PKHD1L1: variants seen among roughly 807,000 people sequenced by gnomAD.
The protein encoded by PKHD1L1 is PKHD1 like 1.
PKHD1L1 carries 434 observed loss-of-function variants against 462.9 expected under a neutral mutation model. That is an observed-to-expected ratio of 0.94 (90% CI 0.87 to 1.02). PKHD1L1 has a LOEUF of 1.02. Among genes scored for constraint, PKHD1L1 ranks in the 50% least tolerant of loss-of-function variants. The pLI is 0.00. For synonymous variants in PKHD1L1, 1,781 were observed against 1,750.0 expected (o/e 1.02, Z -0.44); for missense variants, 5,202 against 5,096.1 (o/e 1.02, Z -0.63).
In PKHD1L1 at chr8:109,436,475, T is replaced by G; in HGVS notation, c.3627+16T>G. 6.2e-7 allele frequency: 1 copy of G among 1,610,446 alleles called. No individual in the cohort carries two copies. The highest frequency in any genetic ancestry group is 8.5e-7 in the Non-Finnish European group (1 of 1,178,984). On this transcript the variant is annotated intron_variant, in intron 30 of 77. Coordinates refer to ENST00000378402, the MANE Select transcript of PKHD1L1 (RefSeq NM_177531.6). ...GACACCAAAAGTAAGGCCTCTGATTTCAGTCACTTTTTCCTCCTAAGTCTG... is the reference window on the plus strand; with the variant it reads ...GACACCAAAAGTAAGGCCTCTGATTGCAGTCACTTTTTCCTCCTAAGTCTG...
At chr8:109,449,202 C>G (rs1417322323) in intron 39 of PKHD1L1, 136 bp from the exon 40 acceptor site, 10 of 793,892 alleles carry the variant, frequency 1.3e-5, no homozygotes, top group Admixed American at 3.3e-5. Context: ...GAATAATGCA[C>G]TATAATTTCA....
Position 109,364,609 on chromosome 8 carries a change from G to A in PKHD1L1, c.136G>A (p.Ala46Thr). The part of the protein sequence containing the change: ...IIPKYGSING[A>T]TRLTIRGEGF... ...ACCTAAATATGGCAGTATAAATGGA[G>A]CAACAAGGCTGACTATAAGAGGGGA... The change falls in exon 2 of 78, where the codon GCA becomes ACA. Residue 46 changes from alanine (A) to threonine (T), a missense_variant. Ala to Thr is a moderately conservative substitution (Grantham distance 58). Transcript: ENST00000378402. The A allele has an allele frequency of 6.4e-7, 1 of 1,562,340 alleles. No homozygotes were observed. Among genetic ancestry groups the A allele is most frequent in the Non-Finnish European group, 8.8e-7 (1 of 1,141,186 alleles).
chr8:109,370,463 AT>A (rs1262130011), intron 2 of PKHD1L1, among the ~76,000 whole-genome samples: 1 of 149,486 alleles, frequency 6.7e-6, no homozygotes, highest in Non-Finnish European at 1.5e-5. Flanking sequence ...AAATCTCAGG[AT>A]TTTTTCTTAT....
chr8:109,395,699 C>T (rs1812935942), intron 10 of PKHD1L1, among the ~76,000 whole-genome samples: 1 of 152,098 alleles, frequency 6.6e-6, no homozygotes, highest in Admixed American at 6.5e-5. Context: ...TCTTCAAGAG[C>T]ATATGGAAGA....
In PKHD1L1 at chr8:109,412,398, T is replaced by C. The variant is rs1211428773; in HGVS notation, c.2219T>C (p.Leu740Ser). 6.2e-7 allele frequency: 1 copy of C among 1,612,220 alleles called. No individual in the cohort carries two copies. Among genetic ancestry groups the C allele is most frequent in the Non-Finnish European group, 8.5e-7 (1 of 1,179,000 alleles). ...PNRRPYGDIL[L>S]FPYNQLCLAY... ...AGACGACCATATGGAGATATTTTAT[T>C]GTTTCCTTATAATCAGGTAAGCTCA... is the stretch of plus-strand genomic sequence containing the variant. Residue 740 changes from leucine to serine, a missense_variant, in exon 20 of 78, where the codon TTG (leucine) becomes TCG (serine). Coordinates refer to ENST00000378402, the MANE Select transcript of PKHD1L1 (RefSeq NM_177531.6).
chr8:109,435,084 G>A (rs569440620), intron 28 of PKHD1L1, 106 bp from the exon 29 acceptor site: 20 of 1,168,292 alleles, frequency 1.7e-5, no homozygotes, highest in Admixed American at 6.8e-5. Context: ...GATATACTTC[G>A]TGAGATCTAA....
intron 53 of PKHD1L1, among the ~76,000 whole-genome samples, chr8:109,478,954 G>A (rs1209813782): frequency 6.6e-6 from 1 of 152,086 alleles, no homozygotes; most frequent in East Asian, 1.9e-4. Flanking sequence ...TAGAACAGAA[G>A]GCTCAAGCTA....
intron 14 of PKHD1L1, among the ~76,000 whole-genome samples, chr8:109,402,191 C>T (rs991001284): frequency 4.6e-5 from 7 of 152,122 alleles, no homozygotes; most frequent in African/African-American, 1.7e-4. Flanking sequence ...AGACATGATA[C>T]ATTGAAAATG....
chr8:109,454,140 T>C (rs907900773), intron 43 of PKHD1L1, 27 bp from the exon 44 acceptor site: 2 of 1,477,756 alleles, frequency 1.4e-6, no homozygotes, highest in Non-Finnish European at 9.3e-7. Flanking sequence ...TTCCTTGTGA[T>C]GTATTTCAAA....
At chr8:109,394,655 C>T (rs1280135866) in intron 10 of PKHD1L1, among the ~76,000 whole-genome samples, 170 bp downstream of exon 10, 1 of 152,152 alleles carries the variant, frequency 6.6e-6, no homozygotes, top group Non-Finnish European at 1.5e-5. Flanking sequence ...CAACATTAAG[C>T]ATGACCTCCC....
chr8:109,468,746 G>A (rs1817572539), intron 50 of PKHD1L1, among the ~76,000 whole-genome samples: 1 of 152,098 alleles, frequency 6.6e-6, no homozygotes, highest in Non-Finnish European at 1.5e-5. Flanking sequence ...GTGACTTCGA[G>A]GATTATTAGC....
rs573204529 is a variant in PKHD1L1, at chr8:109,464,659, C to G, written c.7827C>G (p.Gly2609=). ...TTTGTCAAAAAAGAGTTCCCCTTGG[C>G]GAATTTTTTAACAATACTGTCCATT... is the stretch of plus-strand genomic sequence containing the variant. ...RNICQKRVPL[G]EFFNNTVHSQ... is the part of the protein sequence containing the mutation. The change falls in exon 49 of 78, where the codon GGC becomes GGG. Residue 2609 remains glycine, a synonymous_variant. Coordinates refer to ENST00000378402, the MANE Select transcript of PKHD1L1 (RefSeq NM_177531.6). The G allele has an allele frequency of 6.2e-7, 1 of 1,612,890 alleles. No individual in the cohort carries two copies. The highest frequency in any genetic ancestry group is 8.5e-7 in the Non-Finnish European group (1 of 1,179,768).
chr8:109,436,571 G>A (rs932612968), intron 30 of PKHD1L1, 112 bp downstream of exon 30: 1 of 1,481,582 alleles, frequency 6.7e-7, no homozygotes, highest in Non-Finnish European at 8.9e-7. Context: ...CTTAGGAACT[G>A]CAGGGTTTCT....
chr8:109,491,117 T>A lies in PKHD1L1; in HGVS notation c.10114+16T>A, dbSNP rs1383705322. ...GTGGGGGAAGGTAATATAATAATATTTTGGTTCAAATTACACATCCTGTGG... is the reference window on the plus strand; with the variant it reads ...GTGGGGGAAGGTAATATAATAATATATTGGTTCAAATTACACATCCTGTGG... On this transcript the variant is annotated intron_variant, in intron 61 of 77. Transcript: ENST00000378402. 1.2e-6 allele frequency: 2 copies of A among 1,600,458 alleles called. No homozygotes were observed. Among genetic ancestry groups the A allele is most frequent in the Non-Finnish European group, 1.7e-6 (2 of 1,171,206 alleles).
intron 12 of PKHD1L1, 67 bp from the exon 13 acceptor site, chr8:109,400,009 A>G (rs1221252583): frequency 2.7e-6 from 4 of 1,470,792 alleles, no homozygotes; most frequent in Non-Finnish European, 3.7e-6. Context: ...CAACATCCAA[A>G]TAGAAAGCCA....
At position 109,444,796 on chromosome 8, in the gene PKHD1L1, G is replaced by A. The variant is rs1171092234; in HGVS notation, c.4927G>A (p.Ala1643Thr). 4 of 1,613,998 alleles carry A rather than the reference G, an allele frequency of 2.5e-6. No homozygotes were observed. The highest frequency in any genetic ancestry group is 3.3e-5 in the Admixed American group (2 of 60,022). ...TTTGACTGTCTACAACCTGGGCACT[G>A]CTATCAATACGTTGTCCAATGAATT... ...VTLTVYNLGT[A>T]INTLSNEFDR... The change falls in exon 38 of 78, where the codon GCT becomes ACT. Residue 1643 changes from alanine (A) to threonine (T), a missense_variant. By Grantham distance (58) the Ala-to-Thr change is moderately conservative (BLOSUM62 0). Transcript: ENST00000378402.
At position 109,491,900 on chromosome 8, in the gene PKHD1L1, G is replaced by T; in HGVS notation, c.10142G>T (p.Arg3381Leu). Residue 3381 changes from arginine to leucine, a missense_variant, in exon 62 of 78, where the codon CGA becomes CTA. Transcript: ENST00000378402. ...EGIRIWGNANRVRGNLIALSV... is the reference protein window; with the variant it reads ...EGIRIWGNANLVRGNLIALSV... Reference sequence around the variant, plus strand: ...ATAAGAATATGGGGGAATGCCAACCGAGTCCGAGGGAATTTGATTGCACTT... The same window carrying T: ...ATAAGAATATGGGGGAATGCCAACCTAGTCCGAGGGAATTTGATTGCACTT... The T allele has an allele frequency of 6.2e-7, 1 of 1,603,730 alleles. No individual in the cohort carries two copies.
At chr8:109,377,080 C>T (rs561374922) in intron 2 of PKHD1L1, among the ~76,000 whole-genome samples, 4 of 152,274 alleles carry the variant, frequency 2.6e-5, no homozygotes, top group African/African-American at 9.6e-5. Context: ...ACCGAAAATG[C>T]GTAATAATTT....
rs886397119 is a variant in PKHD1L1 at position 109,534,875 on chromosome 8, C to T, written c.*4785C>T. On this transcript the variant is annotated 3_prime_UTR_variant, in exon 78 of 78. Transcript: ENST00000378402. The stretch of plus-strand genomic sequence containing the variant: ...GGTCATGGAGAAACTGTTCTAAGAA[C>T]GCCATTCACCCATGAATGTGACTTT... Among the ~76,000 whole-genome samples the T allele has an allele frequency of 4.0e-5, 6 of 151,036 alleles. No homozygotes were observed. The highest frequency in any genetic ancestry group is 6.6e-5 in the Admixed American group (1 of 15,138).
Sources: allele counts gnomAD v4.1 joint callset (sites outside exome capture counted in the v4.1 genomes callset), GRCh38; gene constraint gnomAD v4.1.1; transcripts MANE v1.5; gene names NCBI Gene and HGNC (gene_info 2026-07-23, HGNC 2026-07-21).